The following PCDHGA2 variants were observed in gnomAD, a reference collection of about 807,000 sequenced individuals.
The protein encoded by PCDHGA2 is protocadherin gamma subfamily A, 2.
A neutral mutation model predicts 59.2 loss-of-function variants in PCDHGA2; 40 were observed. That is an observed-to-expected ratio of 0.68 (90% CI 0.52 to 0.88). The LOEUF is 0.88. Ranked by LOEUF, PCDHGA2 falls within the 40% of genes least tolerant of loss-of-function variation. The pLI, the probability that PCDHGA2 is intolerant of heterozygous loss-of-function variation, is 0.00. For missense variants in PCDHGA2, 1,226 were observed against 1,204.0 expected, an observed-to-expected ratio of 1.02 and a Z score of -0.27; for synonymous variants, 560 against 526.0, an observed-to-expected ratio of 1.06 and a Z score of -0.89.
intron 1 of PCDHGA2, among the ~76,000 whole-genome samples, chr5:141,433,690 A>G (rs951380027): frequency 2.0e-5 from 3 of 152,088 alleles, no homozygotes; most frequent in African/African-American, 7.2e-5. Flanking sequence ...ATACAAAATT[A>G]GCCGGGCGTG....
chr5:141,399,012 A>G (rs767195686), intron 1 of PCDHGA2: 7 of 1,613,946 alleles, frequency 4.3e-6, no homozygotes, highest in Admixed American at 3.3e-5. Context: ...CAAAGAGCGG[A>G]GAAATTACCA....
At chr5:141,380,404 C>T (rs972826552) in intron 1 of PCDHGA2, among the ~76,000 whole-genome samples, 3 of 152,146 alleles carry the variant, frequency 2.0e-5, no homozygotes, top group Middle Eastern at 6.3e-3. Flanking sequence ...ATAATCAATT[C>T]GATGCCCAGG....
In PCDHGA2 at chr5:141,431,248, G is replaced by C. The variant is rs1213088915; in HGVS notation, c.2425-63559G>C. On this transcript the variant is annotated intron_variant, in intron 1 of 3. Coordinates refer to ENST00000394576, the MANE Select transcript of PCDHGA2 (RefSeq NM_018915.4). This position sits in a 1 kb window ranked among gnomAD's most constrained non-coding sequence, Gnocchi z 4.8. ...CCCACGCCTGGGATCCGGATATCGG[G>C]AAGAACTCTCTGCAGAGCTACGAGC... is the stretch of plus-strand genomic sequence containing the variant. 5 of 1,614,022 alleles carry C rather than the reference G, an allele frequency of 3.1e-6. No homozygotes were observed. Among genetic ancestry groups the C allele is most frequent in the Non-Finnish European group, 4.2e-6 (5 of 1,180,056 alleles).
At chr5:141,345,579 G>T (rs751237664) in intron 1 of PCDHGA2, 1 of 1,614,160 alleles carries the variant, frequency 6.2e-7, no homozygotes, top group East Asian at 2.2e-5. Context: ...CGTCCTATAC[G>T]CGCTGAGATC....
intron 1 of PCDHGA2, chr5:141,366,141 T>A: frequency 6.2e-7 from 1 of 1,614,170 alleles, no homozygotes; most frequent in Non-Finnish European, 8.5e-7. Flanking sequence ...AACGCCTGGC[T>A]GTCCTACCGC....
intron 1 of PCDHGA2, chr5:141,410,854 T>C: frequency 2.6e-6 from 1 of 387,418 alleles, no homozygotes; most frequent in Non-Finnish European, 4.2e-6. Flanking sequence ...TTTGTCTTTT[T>C]TTTTTTTTTT....
chr5:141,422,809 G>A (rs1169197801), intron 1 of PCDHGA2: 8 of 1,614,232 alleles, frequency 5.0e-6, no homozygotes, highest in Non-Finnish European at 6.8e-6. Context: ...GCAGTTTCGA[G>A]ACTTAGAACT....
chr5:141,398,985 A>T, intron 1 of PCDHGA2: 1 of 1,613,964 alleles, frequency 6.2e-7, no homozygotes, highest in Non-Finnish European at 8.5e-7. Flanking sequence ...GAACCGGGCA[A>T]ATCTTTAGTC....
chr5:141,431,474 G>T lies in PCDHGA2; in HGVS notation c.2425-63333G>T, dbSNP rs747313827. 3.7e-6 allele frequency: 6 copies of T among 1,613,842 alleles called. No homozygotes were observed. The South Asian group carries it at 6.6e-5, about 18-fold the overall frequency. ...GATGGTTCTGGATGCGAACGACAAC[G>T]CACCAGCGTTTGCTCAGCCCGAGTA... is the stretch of plus-strand genomic sequence containing the variant. On this transcript the variant is annotated intron_variant, in intron 1 of 3. Transcript: ENST00000394576. The surrounding 1 kb of genome is among the most constrained non-coding windows in gnomAD (Gnocchi z 4.8).
At chr5:141,484,639 C>A (rs1366750263) in intron 1 of PCDHGA2, among the ~76,000 whole-genome samples, 1 of 151,938 alleles carries the variant, frequency 6.6e-6, no homozygotes, top group Non-Finnish European at 1.5e-5. Context: ...AGTGACCACT[C>A]TCCAATGGCT....
chr5:141,495,642 C>T (rs1294293252), intron 2 of PCDHGA2, among the ~76,000 whole-genome samples: 1 of 152,208 alleles, frequency 6.6e-6, no homozygotes. Flanking sequence ...TTTCATTTGT[C>T]TACTTGCATT....
At chr5:141,460,425 G>A (rs953425058) in intron 1 of PCDHGA2, among the ~76,000 whole-genome samples, 3 of 152,114 alleles carry the variant, frequency 2.0e-5, no homozygotes. Flanking sequence ...TATGTATGGT[G>A]TATGGTGTGA....
chr5:141,372,183 G>C lies in PCDHGA2; in HGVS notation c.2424+30788G>C, dbSNP rs770498510. 5 of 1,613,672 alleles carry C rather than the reference G, an allele frequency of 3.1e-6. No individual in the cohort carries two copies. The Admixed American group carries it at 8.3e-5, about 27-fold the overall frequency. On this transcript the variant is annotated intron_variant, in intron 1 of 3. Coordinates refer to ENST00000394576, the MANE Select transcript of PCDHGA2 (RefSeq NM_018915.4). ...GACCAAGGTGGTGGCGGTGGACGCA[G>C]ACTCGGGATACAACGCCTGGCTGTC...
intron 1 of PCDHGA2, chr5:141,409,449 C>A (rs1317609642): frequency 6.2e-7 from 1 of 1,613,934 alleles, no homozygotes; most frequent in South Asian, 1.1e-5. Flanking sequence ...GAGCAGACAC[C>A]AGAATACAAT....
chr5:141,421,424 G>T lies in PCDHGA2; in HGVS notation c.2425-73383G>T, dbSNP rs369037131. 2.2e-5 allele frequency: 35 copies of T among 1,613,974 alleles called. No individual in the cohort carries two copies. The African/African-American group carries it at 3.9e-4, about 18-fold the overall frequency. ...CGGGAGCTGGCGAAGCGCGGAGTCC[G>T]CATCGTCTCCAGAGGGAAGACACAG... is the stretch of plus-strand genomic sequence containing the variant. On this transcript the variant is annotated intron_variant, in intron 1 of 3. Transcript: ENST00000394576.
chr5:141,360,462 C>T, intron 1 of PCDHGA2: 1 of 1,613,902 alleles, frequency 6.2e-7, no homozygotes, highest in South Asian at 1.1e-5. Context: ...TCGATACTGT[C>T]GCTGAAAATC....
chr5:141,367,417 G>A (rs1389870101), intron 1 of PCDHGA2: 5 of 152,198 alleles, frequency 3.3e-5, no homozygotes, highest in Non-Finnish European at 7.3e-5. Context: ...GGCGCCTGTA[G>A]TCCCAGCTAC....
rs768648952 is a variant in PCDHGA2, at chr5:141,477,230, G to T, written c.2425-17577G>T. 14 of 1,614,046 alleles carry T rather than the reference G, an allele frequency of 8.7e-6. No homozygotes were observed. The highest frequency in any genetic ancestry group is 4.0e-5 in the African/African-American group (3 of 74,916). On this transcript the variant is annotated intron_variant, in intron 1 of 3. Transcript: ENST00000394576. The surrounding 1 kb of genome is among the most constrained non-coding windows in gnomAD (Gnocchi z 4.9). Reference sequence around the variant, plus strand: ...GGATGCCCCTCTGGGGACTGTCATCGCTTTGCTCAGTGTGACTGACCTGGA... The same window carrying T: ...GGATGCCCCTCTGGGGACTGTCATCTCTTTGCTCAGTGTGACTGACCTGGA...
At chr5:141,357,758 A>G (rs1450092651) in intron 1 of PCDHGA2, 1 of 1,041,576 alleles carries the variant, frequency 9.6e-7, no homozygotes, top group South Asian at 1.7e-5. Context: ...AAACTGGTGG[A>G]TGACCTTCCA....
Sources: allele counts gnomAD v4.1 joint callset (sites outside exome capture counted in the v4.1 genomes callset), GRCh38; gene constraint gnomAD v4.1.1; non-coding constraint Gnocchi (gnomAD v3.1); transcripts MANE v1.5; gene names NCBI Gene and HGNC (gene_info 2026-07-23, HGNC 2026-07-21).